The following SLC8A1 variants were observed in gnomAD, a reference collection of about 807,000 sequenced individuals.
SLC8A1 encodes the protein sodium/calcium exchanger 1.
A neutral mutation model predicts 68.3 loss-of-function variants in SLC8A1; 18 were observed. The observed-to-expected ratio is 0.26, with a 90% CI of 0.18 to 0.39. The LOEUF is 0.39. SLC8A1 is among the 10% of genes least tolerant of loss of function. The probability of loss-of-function intolerance (pLI) is 1.00; values close to 1 mark genes in which losing one functional copy is unlikely to be tolerated. For missense variants in SLC8A1, 985 were observed against 1,156.7 expected (o/e 0.85, Z 2.15); for synonymous variants, 475 against 415.5 (o/e 1.14, Z -1.74).
At chr2:40,360,924 G>A (rs1553535981) in intron 2 of SLC8A1, among the ~76,000 whole-genome samples, 1 of 152,122 alleles carries the variant, frequency 6.6e-6, no homozygotes, top group Non-Finnish European at 1.5e-5. Flanking sequence ...TTGTGAGTCA[G>A]ACATTTGGAG....
At chr2:40,510,004 T>G (rs1343762774) in intron 1 of SLC8A1, among the ~76,000 whole-genome samples, 1 of 152,070 alleles carries the variant, frequency 6.6e-6, no homozygotes, top group Non-Finnish European at 1.5e-5. Flanking sequence ...ATTTTTGTAT[T>G]TTTAGTAGAG....
exon 2 of SLC8A1, chr2:40,429,132 T>G (rs1489767889): frequency 6.2e-7 from 1 of 1,613,218 alleles, no homozygotes. Flanking sequence ...CTTGGTCAGC[T>G]GCATGCCTCT....
chr2:40,211,265 T>TAACATAACATAACATAACATAA (rs1161584554), intron 2 of SLC8A1, among the ~76,000 whole-genome samples: 8 of 152,230 alleles, frequency 5.3e-5, no homozygotes, highest in Non-Finnish European at 1.2e-4. Context: ...CTACACTAGT[T>TAACATAACATAACATAACATAA]CTTCCTATAA....
In SLC8A1 at chr2:40,471,167, A is replaced by G. The variant is rs777903650; in HGVS notation, c.-24-40863T>C. Among the ~76,000 whole-genome samples the G allele has an allele frequency of 2.6e-5, 4 of 152,318 alleles. No individual in the cohort carries two copies. The South Asian group carries it at 8.3e-4, about 32-fold the overall frequency. ...TGGAGACTACATATGAAGCAATTTAATCTTTAGAACCACCCTCTGACATAA... is the reference window on the plus strand; with the variant it reads ...TGGAGACTACATATGAAGCAATTTAGTCTTTAGAACCACCCTCTGACATAA... On this transcript the variant is annotated intron_variant, in intron 1 of 7. Coordinates refer to the SLC8A1 transcript ENST00000402441.
At chr2:40,492,463 G>T (rs563458083) in intron 1 of SLC8A1, among the ~76,000 whole-genome samples, 1 of 152,068 alleles carries the variant, frequency 6.6e-6, no homozygotes, top group Non-Finnish European at 1.5e-5. Flanking sequence ...AACACCAAAA[G>T]CAATGGCAAC....
intron 2 of SLC8A1, among the ~76,000 whole-genome samples, chr2:40,214,035 T>A (rs973471343): frequency 6.6e-6 from 1 of 152,172 alleles, no homozygotes; most frequent in African/African-American, 2.4e-5. Flanking sequence ...TAGCCAGTGG[T>A]AGAAATGATG....
At chr2:40,356,224 G>A (rs1029042255) in intron 2 of SLC8A1, among the ~76,000 whole-genome samples, 30 of 152,032 alleles carry the variant, frequency 2.0e-4, no homozygotes, top group Non-Finnish European at 5.9e-5. Flanking sequence ...CTCCTTGAGG[G>A]TATCTCTGCT....
At chr2:40,210,453 A>G (rs1240301285) in intron 2 of SLC8A1, among the ~76,000 whole-genome samples, 1 of 152,194 alleles carries the variant, frequency 6.6e-6, no homozygotes, top group Non-Finnish European at 1.5e-5. Context: ...ATAGACTGGC[A>G]TGACTTTTAA....
chr2:40,483,034 C>A (rs1278364891), intron 1 of SLC8A1, among the ~76,000 whole-genome samples: 3 of 150,370 alleles, frequency 2.0e-5, no homozygotes, highest in Non-Finnish European at 4.4e-5. Flanking sequence ...TCAATCTCCT[C>A]ACCTCGTGAT....
chr2:40,286,799 G>C (rs2068390093), intron 2 of SLC8A1, among the ~76,000 whole-genome samples: 1 of 152,158 alleles, frequency 6.6e-6, no homozygotes, highest in Non-Finnish European at 1.5e-5. Context: ...GATAATACCA[G>C]TGCTCTATGG....
At chr2:40,305,452 A>T (rs1251466808) in intron 2 of SLC8A1, among the ~76,000 whole-genome samples, 1 of 152,238 alleles carries the variant, frequency 6.6e-6, no homozygotes, top group East Asian at 1.9e-4. Context: ...GATAGTTAAG[A>T]ATCACCGGTA....
chr2:40,176,033 G>A, intron 3 of SLC8A1: 1 of 438,148 alleles, frequency 2.3e-6, no homozygotes, highest in Non-Finnish European at 4.6e-6. Context: ...TTGGGTTGGG[G>A]GGAGGGGGAC....
chr2:40,226,026 C>A (rs997073492), intron 2 of SLC8A1, among the ~76,000 whole-genome samples: 2 of 152,106 alleles, frequency 1.3e-5, no homozygotes, highest in Non-Finnish European at 2.9e-5. Context: ...TCTGCACAGG[C>A]TTGTGATGAA....
At chr2:40,259,789 T>C (rs2064440946) in intron 2 of SLC8A1, among the ~76,000 whole-genome samples, 1 of 152,228 alleles carries the variant, frequency 6.6e-6, no homozygotes, top group South Asian at 2.1e-4. Context: ...TACTCAAACT[T>C]TGGCAAAGAG....
At chr2:40,231,354 G>C (rs2059622905) in intron 2 of SLC8A1, among the ~76,000 whole-genome samples, 1 of 152,110 alleles carries the variant, frequency 6.6e-6, no homozygotes, top group Non-Finnish European at 1.5e-5. Context: ...TCTAATTGGG[G>C]ATATACCTGA....
At chr2:40,348,138 G>A (rs868511307) in intron 2 of SLC8A1, among the ~76,000 whole-genome samples, 8 of 152,068 alleles carry the variant, frequency 5.3e-5, no homozygotes, top group Non-Finnish European at 1.0e-4. Context: ...GGAAGACGGC[G>A]TGGTGACAGG....
chr2:40,252,197 G>C (rs959891276), intron 2 of SLC8A1, among the ~76,000 whole-genome samples: 3 of 152,182 alleles, frequency 2.0e-5, no homozygotes, highest in South Asian at 2.1e-4. Context: ...AAGTGAATCT[G>C]GGTTCAGATG....
chr2:40,216,736 C>T (rs1208307397), intron 2 of SLC8A1, among the ~76,000 whole-genome samples: 1 of 152,192 alleles, frequency 6.6e-6, no homozygotes, highest in African/African-American at 2.4e-5. Context: ...TTTTGATTTG[C>T]ATTTCTCTAA....
intron 1 of SLC8A1, among the ~76,000 whole-genome samples, chr2:40,476,789 A>G (rs1277536042): frequency 3.3e-5 from 5 of 152,220 alleles, no homozygotes; most frequent in Non-Finnish European, 5.9e-5. Context: ...ATAGGAAGTC[A>G]TTCCAATTTT....
Sources: gnomAD v4.1 joint callset for allele counts (sites outside exome capture counted in the v4.1 genomes callset) on GRCh38, gnomAD v4.1.1 for gene constraint, MANE v1.5 for transcripts, NCBI Gene and HGNC (gene_info 2026-07-23, HGNC 2026-07-21) for gene names.